LRPPRC: variants seen among roughly 807,000 people sequenced by gnomAD.
The protein encoded by LRPPRC is leucine rich pentatricopeptide repeat containing.
LRPPRC carries 120 observed loss-of-function variants against 180.3 expected under a neutral mutation model. That is an observed-to-expected ratio of 0.67 (90% confidence interval 0.57 to 0.77). The LOEUF (loss-of-function observed/expected upper bound fraction) is 0.77, where lower values mean the gene tolerates loss of function less well. Among genes scored for constraint, LRPPRC ranks in the 30% least tolerant of loss-of-function variants. The probability of loss-of-function intolerance (pLI) is 0.00; values close to 1 mark genes in which losing one functional copy is unlikely to be tolerated. For synonymous variants in LRPPRC, 723 were observed against 600.0 expected, an observed-to-expected ratio of 1.21 and a Z score of -3.00; for missense variants, 2,012 against 1,657.2, an observed-to-expected ratio of 1.21 and a Z score of -3.72.
chr2:43,969,279 G>C (rs966416779), intron 11 of LRPPRC, among the ~76,000 whole-genome samples: 6 of 152,108 alleles, frequency 3.9e-5, no homozygotes, highest in Non-Finnish European at 8.8e-5. Flanking sequence ...GGGCGTGGTG[G>C]CGGGCGCCTG....
At position 43,948,513 on chromosome 2, in the gene LRPPRC, C is replaced by A; in HGVS notation, c.1741G>T (p.Val581Phe). ...CQEPRGPTEA[V>F]GYFLYNLIDS... ...ATCAAGTTATAAAGAAAATAGCCAA[C>A]AGCTTCTGTGGAAAAAAACAAGAGA... Residue 581 changes from valine to phenylalanine, a missense_variant, in exon 17 of 38, where the codon GTT becomes TTT. By Grantham distance (50) the Val-to-Phe change is conservative (BLOSUM62 -1). Transcript: ENST00000260665. 2 of 1,549,594 alleles carry A rather than the reference C, an allele frequency of 1.3e-6. No homozygotes were observed. Among genetic ancestry groups the A allele is most frequent in the Non-Finnish European group, 1.8e-6 (2 of 1,121,168 alleles).
chr2:43,940,162 G>C (rs776723917), intron 23 of LRPPRC, among the ~76,000 whole-genome samples: 7 of 152,074 alleles, frequency 4.6e-5, no homozygotes, highest in Admixed American at 3.9e-4. Flanking sequence ...ACCACTTTTT[G>C]TCCTTTGGCA....
chr2:43,987,531 T>G (rs2103765094), intron 1 of LRPPRC, among the ~76,000 whole-genome samples: 1 of 148,238 alleles, frequency 6.7e-6, no homozygotes, highest in African/African-American at 2.5e-5. Flanking sequence ...TCCCTTCAAA[T>G]TTCTCCACTG....
chr2:43,955,060 G>A (rs1307749774), intron 14 of LRPPRC, among the ~76,000 whole-genome samples: 1 of 152,116 alleles, frequency 6.6e-6, no homozygotes, highest in South Asian at 2.1e-4. Flanking sequence ...TAGGGAGAGG[G>A]AAAGTACTTC....
At chr2:43,993,543 G>A (rs1461359503) in intron 1 of LRPPRC, among the ~76,000 whole-genome samples, 2 of 152,128 alleles carry the variant, frequency 1.3e-5, no homozygotes, top group Non-Finnish European at 2.9e-5. Context: ...AGTAAACAGA[G>A]TTCCAGGAAA....
chr2:43,919,679 G>A (rs2105029617), intron 27 of LRPPRC, among the ~76,000 whole-genome samples: 1 of 152,170 alleles, frequency 6.6e-6, no homozygotes, highest in East Asian at 1.9e-4. Flanking sequence ...GAAACATCAA[G>A]TCATTTAATA....
chr2:43,996,142 A>T, upstream of LRPPRC: 1 of 545,018 alleles, frequency 1.8e-6, no homozygotes, highest in Non-Finnish European at 3.2e-6. Flanking sequence ...ATATTTACAT[A>T]AACGATGTTG....
intron 11 of LRPPRC, among the ~76,000 whole-genome samples, chr2:43,968,867 G>A (rs1673674608): frequency 6.6e-6 from 1 of 152,170 alleles, no homozygotes; most frequent in Non-Finnish European, 1.5e-5. Flanking sequence ...GATTCTAAGT[G>A]TCCTCACCAC....
Position 43,943,676 on chromosome 2 carries a change from A to C in LRPPRC, c.2504+11T>G. ...TGCCAACATTTAAAATTCAAAATTC[A>C]ATTAACTTACTTTTCCAAGTGTACA... On this transcript the variant is annotated intron_variant, in intron 23 of 37. Coordinates refer to ENST00000260665, the MANE Select transcript of LRPPRC (RefSeq NM_133259.4). The C allele has an allele frequency of 1.2e-6, 2 of 1,605,956 alleles. No homozygotes were observed. The highest frequency in any genetic ancestry group is 1.7e-6 in the Non-Finnish European group (2 of 1,172,650).
chr2:43,917,585 CG>C (rs1671518813), intron 29 of LRPPRC, among the ~76,000 whole-genome samples: 1 of 151,838 alleles, frequency 6.6e-6, no homozygotes, highest in Admixed American at 6.6e-5. Flanking sequence ...GTCAGGAGAT[CG>C]AAACCATCCT....
chr2:43,981,495 C>T (rs564438547), intron 2 of LRPPRC, among the ~76,000 whole-genome samples: 3 of 152,028 alleles, frequency 2.0e-5, no homozygotes, highest in African/African-American at 7.2e-5. Context: ...CCCGTCCCTA[C>T]TAAAAATACA....
At position 43,952,653 on chromosome 2, in the gene LRPPRC, A is replaced by T. The variant is rs144576303; in HGVS notation, c.1650-2053T>A. 5.6e-4 allele frequency among the ~76,000 whole-genome samples: 85 copies of T among 152,268 alleles called. 1 individual carries two copies. The highest frequency in any genetic ancestry group is 1.9e-3 in the African/African-American group (80 of 41,550). On this transcript the variant is annotated intron_variant, in intron 14 of 37. Coordinates refer to ENST00000260665, the MANE Select transcript of LRPPRC (RefSeq NM_133259.4). Reference sequence around the variant, plus strand: ...CCCTTAAAAGTGACCCAGACTTTGTACTAGGTTCTAAGTGCATTATATTTT... The same window carrying T: ...CCCTTAAAAGTGACCCAGACTTTGTTCTAGGTTCTAAGTGCATTATATTTT...
In LRPPRC at chr2:43,887,143, C is replaced by CAAAAAGAAAAAA. The variant is rs755308534; in HGVS notation, c.*1456_*1457insTTTTTTCTTTTT. 8.2e-5 allele frequency: 6 copies of CAAAAAGAAAAAA among 73,206 alleles called. No homozygotes were observed. Among genetic ancestry groups the CAAAAAGAAAAAA allele is most frequent in the Non-Finnish European group, 1.3e-4 (5 of 37,678 alleles). 4.5% of individuals were successfully genotyped at this position (73,206 alleles called of 1,614,324 possible). On this transcript the variant is annotated 3_prime_UTR_variant, in exon 38 of 38. Transcript: ENST00000260665. ...CTTAAGCAACAGAGCAAGACTATCT[C>CAAAAAGAAAAAA]AAAAAAAAAAAAAAAAAAAAAGATG...
intron 23 of LRPPRC, 60 bp from the exon 24 acceptor site, chr2:43,934,938 T>C: frequency 7.1e-7 from 1 of 1,412,928 alleles, no homozygotes; most frequent in East Asian, 2.3e-5. Flanking sequence ...AGTCTCTTAG[T>C]AATACTTTAG....
At chr2:43,975,021 C>T in intron 7 of LRPPRC, 70 bp downstream of exon 7, 2 of 1,492,708 alleles carry the variant, frequency 1.3e-6, no homozygotes, top group Non-Finnish European at 9.3e-7. Flanking sequence ...CACTTTCCTG[C>T]CTCATGTAAA....
intron 29 of LRPPRC, among the ~76,000 whole-genome samples, chr2:43,913,451 T>C (rs901159725): frequency 2.6e-5 from 4 of 151,970 alleles, no homozygotes; most frequent in Non-Finnish European, 4.4e-5. Context: ...GAACATGATA[T>C]TATTTAATGT....
intron 23 of LRPPRC, among the ~76,000 whole-genome samples, chr2:43,940,728 G>A (rs1427180566): frequency 6.6e-6 from 1 of 152,082 alleles, no homozygotes; most frequent in Admixed American, 6.6e-5. Context: ...AAATTTTTAT[G>A]CTTTAATATC....
chr2:43,933,200 G>A (rs962757678), intron 25 of LRPPRC, among the ~76,000 whole-genome samples: 5 of 152,150 alleles, frequency 3.3e-5, no homozygotes, highest in Admixed American at 1.3e-4. Context: ...AGAAAGTTCT[G>A]AATTGATTTC....
chr2:43,912,360 T>C, intron 30 of LRPPRC, 72 bp downstream of exon 30: 2 of 1,355,856 alleles, frequency 1.5e-6, no homozygotes, highest in South Asian at 1.2e-5. Flanking sequence ...CACATTACTA[T>C]TATAATTATT....
Sources: allele counts gnomAD v4.1 joint callset (sites outside exome capture counted in the v4.1 genomes callset), GRCh38; gene constraint gnomAD v4.1.1; transcripts MANE v1.5; gene names NCBI Gene and HGNC (gene_info 2026-07-23, HGNC 2026-07-21).